PKN2: variants seen among roughly 807,000 people sequenced by gnomAD.
PKN2 encodes serine/threonine-protein kinase N2.
PKN2 carries 38 observed loss-of-function variants against 119.1 expected under a neutral mutation model. That is an observed-to-expected ratio of 0.32 (90% CI 0.25 to 0.42). The LOEUF (loss-of-function observed/expected upper bound fraction) is 0.42, where lower values mean the gene tolerates loss of function less well. Ranked by LOEUF, PKN2 falls within the 10% of genes least tolerant of loss-of-function variation. The pLI, the probability that PKN2 is intolerant of heterozygous loss-of-function variation, is 1.00. For missense variants in PKN2, 850 were observed against 1,165.1 expected (o/e 0.73, Z 3.94); for synonymous variants, 390 against 384.9 (o/e 1.01, Z -0.15).
At chr1:88,741,827 A>G (rs1488051719) in intron 2 of PKN2, among the ~76,000 whole-genome samples, 1 of 151,976 alleles carries the variant, frequency 6.6e-6, no homozygotes, top group Non-Finnish European at 1.5e-5. Context: ...TATTTTCTTT[A>G]TAGAAAATAA....
At chr1:88,798,482 G>T (rs1174417002) in intron 8 of PKN2, among the ~76,000 whole-genome samples, 1 of 152,080 alleles carries the variant, frequency 6.6e-6, no homozygotes, top group East Asian at 1.9e-4. Flanking sequence ...TTGATAAATT[G>T]TTGGTGCTGA....
chr1:88,770,132 A>G (rs1049153156), intron 3 of PKN2, among the ~76,000 whole-genome samples: 1 of 152,152 alleles, frequency 6.6e-6, no homozygotes, highest in African/African-American at 2.4e-5. Context: ...TTTTCTCCCA[A>G]ATTGTCTTAA....
At chr1:88,691,658 A>G (rs1021944635) in intron 1 of PKN2, among the ~76,000 whole-genome samples, 13 of 152,050 alleles carry the variant, frequency 8.5e-5, no homozygotes, top group African/African-American at 2.7e-4. Context: ...CTATCCGTCT[A>G]TTTCCACCTT....
chr1:88,753,802 C>T lies in PKN2; in HGVS notation c.350-6420C>T, dbSNP rs991273312. On this transcript the variant is annotated intron_variant, in intron 2 of 21. Transcript: ENST00000370521. ...CCACACCCATGATCCAGTCACCTCC[C>T]GCCAGGCCTCATGTTCAACACTGGG... is the stretch of plus-strand genomic sequence containing the variant. 5.9e-5 allele frequency among the ~76,000 whole-genome samples: 9 copies of T among 152,138 alleles called. No homozygotes were observed. In the South Asian group the frequency reaches 8.3e-4, roughly 14 times the overall value.
chr1:88,752,547 A>G (rs1669044735), intron 2 of PKN2, among the ~76,000 whole-genome samples: 1 of 152,054 alleles, frequency 6.6e-6, no homozygotes, highest in African/African-American at 2.4e-5. Context: ...TTTTTAAAAA[A>G]TTTGCCAGTT....
intron 1 of PKN2, among the ~76,000 whole-genome samples, chr1:88,709,472 A>G (rs1163515516): frequency 6.6e-6 from 1 of 152,204 alleles, no homozygotes; most frequent in Non-Finnish European, 1.5e-5. Context: ...GGGCGAGAGG[A>G]TCACACGTTG....
chr1:88,819,992 G>A (rs113960983), intron 16 of PKN2, among the ~76,000 whole-genome samples: 1,963 of 151,410 alleles, frequency 0.013, 45 homozygotes, highest in African/African-American at 0.046. Flanking sequence ...ATCACACACC[G>A]GGGGTCGGGG....
chr1:88,708,539 C>T (rs1667094214), intron 1 of PKN2, among the ~76,000 whole-genome samples: 1 of 150,396 alleles, frequency 6.6e-6, no homozygotes, highest in Non-Finnish European at 1.5e-5. Context: ...TTATATTCAA[C>T]ATAATGTAGT....
At position 88,740,878 on chromosome 1, in the gene PKN2, G is replaced by A. The variant is rs930774070; in HGVS notation, c.49-110G>A. 4 of 607,068 alleles carry A rather than the reference G, an allele frequency of 6.6e-6. No homozygotes were observed. The African/African-American group carries it at 7.7e-5, about 12-fold the overall frequency. 37.6% of individuals were successfully genotyped at this position (607,068 alleles called of 1,614,324 possible). ...CTTATTAAGGAGATAATTAAATATA[G>A]TTAAATGTAATGTAATCAAGAAAGA... On this transcript the variant is annotated intron_variant, in intron 1 of 21. Transcript: ENST00000370521.
At chr1:88,771,347 T>C in intron 4 of PKN2, 74 bp from the exon 5 acceptor site, 1 of 1,106,662 alleles carries the variant, frequency 9.0e-7, no homozygotes, top group Non-Finnish European at 1.3e-6. Flanking sequence ...AATTCATTTC[T>C]TTTCATGATT....
chr1:88,786,737 T>C (rs1670594562), intron 8 of PKN2, among the ~76,000 whole-genome samples: 1 of 152,124 alleles, frequency 6.6e-6, no homozygotes, highest in Non-Finnish European at 1.5e-5. Flanking sequence ...GTCCATTCAT[T>C]GGGTTGTGAG....
chr1:88,807,126 G>A (rs1570660854), intron 12 of PKN2, among the ~76,000 whole-genome samples, 187 bp from the exon 13 acceptor site: 3 of 151,920 alleles, frequency 2.0e-5, no homozygotes. Context: ...GACCTCTCTA[G>A]GCAACATAGT....
intron 1 of PKN2, among the ~76,000 whole-genome samples, chr1:88,708,151 T>TA (rs113059720): frequency 0.021 from 3,161 of 152,128 alleles, 66 homozygotes; most frequent in South Asian, 0.069. Context: ...TACCTGGTGA[T>TA]ATTGTGTAGA....
At chr1:88,783,222 A>G (rs1433733924) in intron 6 of PKN2, among the ~76,000 whole-genome samples, 1 of 152,130 alleles carries the variant, frequency 6.6e-6, no homozygotes, top group East Asian at 1.9e-4. Context: ...AATACTTGAA[A>G]ACCCTCTGAC....
At chr1:88,771,991 C>A (rs1669914393) in intron 6 of PKN2, 112 bp downstream of exon 6, 2 of 680,772 alleles carry the variant, frequency 2.9e-6, no homozygotes, top group Middle Eastern at 7.7e-4. Context: ...TGATAAGATA[C>A]ACATAGAATA....
At chr1:88,727,286 A>C (rs976095888) in intron 1 of PKN2, among the ~76,000 whole-genome samples, 1 of 150,168 alleles carries the variant, frequency 6.7e-6, no homozygotes. Flanking sequence ...TTTTTAGCCT[A>C]CCTGTGTCAT....
At chr1:88,720,266 C>G (rs575068097) in intron 1 of PKN2, among the ~76,000 whole-genome samples, 2 of 152,252 alleles carry the variant, frequency 1.3e-5, no homozygotes, top group South Asian at 4.1e-4. Context: ...AGCAATCCTC[C>G]TGCCTTGCCT....
At chr1:88,781,913 A>T (rs1293134311) in intron 6 of PKN2, among the ~76,000 whole-genome samples, 1 of 152,134 alleles carries the variant, frequency 6.6e-6, no homozygotes, top group Non-Finnish European at 1.5e-5. Flanking sequence ...GTACAGTAAG[A>T]TAAGATTTCC....
intron 19 of PKN2, chr1:88,829,501 GTT>G (rs1309299338): frequency 5.6e-6 from 1 of 179,438 alleles, no homozygotes; most frequent in African/African-American, 2.4e-5. Flanking sequence ...TTTTCCTACT[GTT>G]TTCTGTAGAT....
Sources: gnomAD v4.1 joint callset for allele counts (sites outside exome capture counted in the v4.1 genomes callset) on GRCh38, gnomAD v4.1.1 for gene constraint, MANE v1.5 for transcripts, NCBI Gene and HGNC (gene_info 2026-07-23, HGNC 2026-07-21) for gene names.